The following GABRB3 variants were observed in gnomAD, a reference collection of about 807,000 sequenced individuals.
GABRB3 encodes gamma-aminobutyric acid type A receptor subunit beta3, also known as gamma-aminobutyric acid receptor subunit beta-3.
In GABRB3, 14 loss-of-function variants were observed where a neutral mutation model predicts 52.1. The ratio of observed to expected loss-of-function variants is 0.27; its 90% CI spans 0.18 to 0.42. The LOEUF is 0.42. GABRB3 is among the 10% of genes least tolerant of loss of function. GABRB3 has a pLI of 1.00. For missense variants in GABRB3, 307 were observed against 609.1 expected (o/e 0.50, Z 5.22); for synonymous variants, 260 against 232.3 (o/e 1.12, Z -1.08).
chr15:26,708,880 C>A (rs185256509), intron 3 of GABRB3, among the ~76,000 whole-genome samples: 2 of 152,140 alleles, frequency 1.3e-5, no homozygotes, highest in African/African-American at 2.4e-5. Flanking sequence ...GACCTTTATG[C>A]GGGCTGTTTG....
intron 3 of GABRB3, among the ~76,000 whole-genome samples, chr15:26,752,719 A>AT (rs1033306166): frequency 4.6e-5 from 7 of 152,204 alleles, no homozygotes; most frequent in African/African-American, 1.7e-4. Context: ...CATCCTTAGC[A>AT]TTTTTTGTGG....
chr15:26,687,638 A>G (rs987234340), intron 3 of GABRB3, among the ~76,000 whole-genome samples: 2 of 152,226 alleles, frequency 1.3e-5, no homozygotes, highest in Non-Finnish European at 2.9e-5. Context: ...AAATATTTAG[A>G]ACCATCACAT....
At chr15:26,682,302 T>A (rs117028389) in intron 3 of GABRB3, among the ~76,000 whole-genome samples, 46 of 152,290 alleles carry the variant, frequency 3.0e-4, no homozygotes, top group Non-Finnish European at 6.0e-4. Context: ...CCACTCCCTG[T>A]GCAACTGGCC....
chr15:26,702,241 A>T (rs1343475971), intron 3 of GABRB3, among the ~76,000 whole-genome samples: 1 of 152,138 alleles, frequency 6.6e-6, no homozygotes, highest in African/African-American at 2.4e-5. Context: ...TACACTGAAA[A>T]ACTTTTGTCT....
intron 3 of GABRB3, among the ~76,000 whole-genome samples, chr15:26,693,041 T>A (rs564101881): frequency 6.6e-6 from 1 of 152,284 alleles, no homozygotes; most frequent in Admixed American, 6.5e-5. Context: ...CAGGAAGATC[T>A]CTCCCGCTCC....
In GABRB3 at chr15:26,772,977, C is replaced by T; in HGVS notation, c.-15G>A. 7.1e-7 allele frequency: 1 copy of T among 1,403,444 alleles called. No homozygotes were observed. The highest frequency in any genetic ancestry group is 9.3e-7 in the Non-Finnish European group (1 of 1,070,164). 86.9% of individuals were successfully genotyped at this position (1,403,444 alleles called of 1,614,324 possible). A position where few individuals can be genotyped will look rare whatever the true frequency, so the allele number is the denominator to read the frequency against. On this transcript the variant is annotated 5_prime_UTR_variant, in exon 1 of 9. Transcript: ENST00000311550. The stretch of plus-strand genomic sequence containing the variant: ...AGGCCCCACATCCCTCCGCCGCGCC[C>T]CGGCACGGGGGAGGGGGCGCCCCGC...
At chr15:26,711,916 C>T (rs1226759398) in intron 3 of GABRB3, among the ~76,000 whole-genome samples, 1 of 152,288 alleles carries the variant, frequency 6.6e-6, no homozygotes, top group African/African-American at 2.4e-5. Flanking sequence ...GCTTTGGAAA[C>T]AGGAAGAGCT....
intron 3 of GABRB3, among the ~76,000 whole-genome samples, chr15:26,633,745 A>G (rs1206702573): frequency 6.6e-6 from 1 of 152,154 alleles, no homozygotes; most frequent in Non-Finnish European, 1.5e-5. Flanking sequence ...TGCACCTGGA[A>G]CTGTTTACTT....
At chr15:26,762,537 C>A (rs1446325753) in intron 3 of GABRB3, among the ~76,000 whole-genome samples, 3 of 152,158 alleles carry the variant, frequency 2.0e-5, no homozygotes, top group African/African-American at 7.2e-5. Flanking sequence ...AAAAAAATTT[C>A]CAGTCAAATA....
At chr15:26,558,855 G>T (rs1889864135) in intron 8 of GABRB3, among the ~76,000 whole-genome samples, 1 of 151,758 alleles carries the variant, frequency 6.6e-6, no homozygotes, top group Non-Finnish European at 1.5e-5. Context: ...AAAAAAGAAA[G>T]AAAGAAAGAA....
chr15:26,586,132 G>A (rs1383873602), intron 4 of GABRB3, among the ~76,000 whole-genome samples: 1 of 151,874 alleles, frequency 6.6e-6, no homozygotes, highest in Admixed American at 6.6e-5. Flanking sequence ...CCAAGTAGAT[G>A]GGACTACAGG....
rs533542628 is a variant in GABRB3 at position 26,544,734 on chromosome 15, T to G, written c.*3059A>C. On this transcript the variant is annotated 3_prime_UTR_variant, in exon 9 of 9. Transcript: ENST00000311550. Reference sequence around the variant, plus strand: ...TAACAAACTGTCATAACAAGATTCTTCTGTAGATCTTGAGCCCCTGTGGCG... The same window carrying G: ...TAACAAACTGTCATAACAAGATTCTGCTGTAGATCTTGAGCCCCTGTGGCG... 6.6e-6 allele frequency: 1 copy of G among 152,480 alleles called. No individual in the cohort carries two copies. Among genetic ancestry groups the G allele is most frequent in the East Asian group, 1.9e-4 (1 of 5,186 alleles). 9.4% of individuals were successfully genotyped at this position (152,480 alleles called of 1,614,324 possible). A position where few individuals can be genotyped will look rare whatever the true frequency, so the allele number is the denominator to read the frequency against.
chr15:26,634,327 T>C (rs1257721011), intron 3 of GABRB3, among the ~76,000 whole-genome samples: 1 of 152,116 alleles, frequency 6.6e-6, no homozygotes. Flanking sequence ...TCAAATGTGT[T>C]CACCCACCCG....
At chr15:26,764,403 T>C (rs1404926662) in intron 3 of GABRB3, among the ~76,000 whole-genome samples, 2 of 151,942 alleles carry the variant, frequency 1.3e-5, no homozygotes, top group African/African-American at 2.4e-5. Context: ...CTTAATCTTA[T>C]TCTTATTCAT....
At chr15:26,606,155 C>G (rs1176842732) in intron 4 of GABRB3, among the ~76,000 whole-genome samples, 1 of 152,060 alleles carries the variant, frequency 6.6e-6, no homozygotes, top group Non-Finnish European at 1.5e-5. Context: ...GAGATGTGGA[C>G]AGGGGCACAG....
chr15:26,750,692 A>G (rs1890480457), intron 3 of GABRB3, among the ~76,000 whole-genome samples: 1 of 152,218 alleles, frequency 6.6e-6, no homozygotes, highest in African/African-American at 2.4e-5. Context: ...TGGCTTTATT[A>G]TTAAATTGAA....
rs1889246018 is a variant in GABRB3 at position 26,546,492 on chromosome 15, A to G, written c.*1301T>C. 6.6e-6 allele frequency: 1 copy of G among 152,532 alleles called. No homozygotes were observed. Among genetic ancestry groups the G allele is most frequent in the Non-Finnish European group, 1.5e-5 (1 of 68,058 alleles). 9.4% of individuals were successfully genotyped at this position (152,532 alleles called of 1,614,324 possible). ...CCCTCCTTTGCCTCAGAGAACGGTC[A>G]TGGGTCGTTGGGTGACGCGTGGTGT... On this transcript the variant is annotated 3_prime_UTR_variant, in exon 9 of 9. Coordinates refer to ENST00000311550, the MANE Select transcript of GABRB3 (RefSeq NM_000814.6).
intron 3 of GABRB3, among the ~76,000 whole-genome samples, chr15:26,643,591 T>TA (rs35767992): frequency 0.97 from 148,196 of 152,148 alleles, 72,198 homozygotes; most frequent in East Asian, 1. Flanking sequence ...GAGAACGTAA[T>TA]GAACCAACAT....
intron 3 of GABRB3, among the ~76,000 whole-genome samples, chr15:26,766,020 C>T (rs1890986744): frequency 6.6e-6 from 1 of 152,124 alleles, no homozygotes; most frequent in African/African-American, 2.4e-5. Context: ...AGGTTAACAC[C>T]TCTATTACCT....
Sources: gnomAD v4.1 joint callset for allele counts (sites outside exome capture counted in the v4.1 genomes callset) on GRCh38, gnomAD v4.1.1 for gene constraint, MANE v1.5 for transcripts, NCBI Gene and HGNC (gene_info 2026-07-23, HGNC 2026-07-21) for gene names.